The following IGFLR1 variants were observed in gnomAD, a reference collection of about 807,000 sequenced individuals.
IGFLR1 encodes the protein IGF-like family receptor 1.
A neutral mutation model predicts 23.4 loss-of-function variants in IGFLR1; 17 were observed. The ratio of observed to expected loss-of-function variants is 0.73; its 90% CI spans 0.50 to 1.09. The LOEUF is 1.09. Ranked by LOEUF, IGFLR1 falls within the 50% of genes least tolerant of loss-of-function variation. The pLI is 0.00. For synonymous variants in IGFLR1, 265 were observed against 210.7 expected, an observed-to-expected ratio of 1.26 and a Z score of -2.23; for missense variants, 556 against 459.2, an observed-to-expected ratio of 1.21 and a Z score of -1.93.
chr19:35,740,764 T>A (rs1970177330), intron 2 of IGFLR1, 200 bp from the exon 3 acceptor site: 2 of 639,044 alleles, frequency 3.1e-6, no homozygotes, highest in Admixed American at 6.3e-5. Flanking sequence ...CTCCGCCCAC[T>A]CCCGGCTTCT....
chr19:35,741,115 G>A lies in IGFLR1; in HGVS notation c.66C>T (p.Ala22=), dbSNP rs1464534454. The A allele has an allele frequency of 2.1e-5, 33 of 1,601,794 alleles. No individual in the cohort carries two copies. The highest frequency in any genetic ancestry group is 2.7e-5 in the Non-Finnish European group (32 of 1,172,110). ...LLLALAPPPE[A]SQYCGRLEYW... ...ATTCAAGGCGGCCGCAGTACTGGGA[G>A]GCTTCCGGCGGTGGCGCCAGGGCCA... The change falls in exon 2 of 5, where the codon GCC becomes GCT. Residue 22 remains alanine (A), a synonymous_variant. Coordinates refer to ENST00000246532, the MANE Select transcript of IGFLR1 (RefSeq NM_024660.4).
In IGFLR1 at chr19:35,740,375, T is replaced by C; in HGVS notation, c.342+5A>G. Reference sequence around the variant, plus strand: ...CCCTTGCCCTGCCGGGAGTCCCATCTGCACCTCTCTGCAGCGCCACGGGGT... The same window carrying C: ...CCCTTGCCCTGCCGGGAGTCCCATCCGCACCTCTCTGCAGCGCCACGGGGT... On this transcript the variant is annotated splice_donor_5th_base_variant and intron_variant, in intron 3 of 4. Transcript: ENST00000246532. 6.3e-7 allele frequency: 1 copy of C among 1,580,774 alleles called. No homozygotes were observed. Among genetic ancestry groups the C allele is most frequent in the South Asian group, 1.1e-5 (1 of 87,858 alleles).
intron 3 of IGFLR1, 44 bp downstream of exon 3, chr19:35,740,336 C>A (rs767691339): frequency 1.1e-5 from 17 of 1,509,092 alleles, no homozygotes; most frequent in East Asian, 2.3e-5. Context: ...TCTAGGCCCC[C>A]CACCTCCAGC....
rs1177658150 is a variant in IGFLR1, at chr19:35,741,363, G to A, written c.-43-140C>T. 4 of 770,140 alleles carry A rather than the reference G, an allele frequency of 5.2e-6. No homozygotes were observed. In the African/African-American group the frequency reaches 7.0e-5, roughly 13 times the overall value. 47.7% of individuals were successfully genotyped at this position (770,140 alleles called of 1,614,324 possible). On this transcript the variant is annotated intron_variant, in intron 1 of 4. Transcript: ENST00000246532. ...AGCCGGTTATCAGAGAAGCCCACAA[G>A]GCCACTAGGGGACTAACAGGGCTGC...
chr19:35,741,058 G>A lies in IGFLR1; in HGVS notation c.123C>T (p.Ser41=), dbSNP rs749264647. ...YWNPDNKCCS[S]CLQRFGPPPC... is the part of the protein sequence containing the mutation. The stretch of plus-strand genomic sequence containing the variant: ...GGGGCGGCCCGAAGCGTTGCAGGCA[G>A]CTGCTGCAGCACTTGTTGTCTGGGT... The change falls in exon 2 of 5, where the codon AGC becomes AGT. Residue 41 remains serine, a synonymous_variant. Coordinates refer to ENST00000246532, the MANE Select transcript of IGFLR1 (RefSeq NM_024660.4). The A allele has an allele frequency of 1.2e-6, 2 of 1,608,680 alleles. No individual in the cohort carries two copies. The highest frequency in any genetic ancestry group is 1.7e-6 in the Non-Finnish European group (2 of 1,177,210).
At chr19:35,740,223 A>C (rs1437926976) in intron 3 of IGFLR1, 135 bp from the exon 4 acceptor site, 11 of 1,308,358 alleles carry the variant, frequency 8.4e-6, no homozygotes, top group African/African-American at 1.5e-5. Flanking sequence ...TGGGCCCCGC[A>C]AGGCCCAACT....
intron 3 of IGFLR1, 109 bp downstream of exon 3, chr19:35,740,271 C>A: frequency 7.3e-7 from 1 of 1,364,302 alleles, no homozygotes; most frequent in Non-Finnish European, 9.7e-7. Flanking sequence ...GCAGGCCAGC[C>A]ACCTCCTGAA....
rs760122164 is a variant in IGFLR1 at position 35,739,419 on chromosome 19, C to T, written c.929G>A (p.Arg310Gln). Residue 310 changes from arginine to glutamine, a missense_variant, in exon 5 of 5, where the codon CGG becomes CAG. Arg to Gln is a conservative substitution (Grantham distance 43, BLOSUM62 1). Coordinates refer to ENST00000246532, the MANE Select transcript of IGFLR1 (RefSeq NM_024660.4). ...TGCCACCACCATCTCAATCAGAGCC[C>T]GCAGCGGCGAGCGACTCGGCCTCAG... is the stretch of plus-strand genomic sequence containing the variant. ...YSLRPSRSPL[R>Q]ALIEMVVARE... 3.1e-6 allele frequency: 5 copies of T among 1,613,804 alleles called. No individual in the cohort carries two copies. Among genetic ancestry groups the T allele is most frequent in the Middle Eastern group, 1.7e-4 (1 of 6,060 alleles).
chr19:35,741,838 G>T (rs561444949), intron 1 of IGFLR1, among the ~76,000 whole-genome samples: 2 of 151,598 alleles, frequency 1.3e-5, no homozygotes, highest in Non-Finnish European at 2.9e-5. Context: ...GCCGCCGGGC[G>T]CAGTGGCTCA....
Position 35,740,416 on chromosome 19 carries a change from G to C in IGFLR1, c.306C>G (p.Ala102=), listed in dbSNP as rs1970144878. The change falls in exon 3 of 5, where the codon GCC becomes GCG. Residue 102 remains alanine (A), a synonymous_variant. Transcript: ENST00000246532. Reference sequence around the variant, plus strand: ...GCCACGGGGTTCTGCCCCCGCCCGCGGCGGGAGTAGGGGTCACGGCTCCGC... The same window carrying C: ...GCCACGGGGTTCTGCCCCCGCCCGCCGCGGGAGTAGGGGTCACGGCTCCGC... ...CGGGAVTPTP[A]AGGGRTPWRC... is the part of the protein sequence containing the mutation. The C allele has an allele frequency of 1.2e-6, 2 of 1,606,694 alleles. No individual in the cohort carries two copies. The highest frequency in any genetic ancestry group is 2.2e-5 in the South Asian group (2 of 90,624).
intron 1 of IGFLR1, 134 bp downstream of exon 1, chr19:35,742,262 C>T (rs1459764764): frequency 1.5e-6 from 1 of 657,592 alleles, no homozygotes; most frequent in African/African-American, 1.9e-5. Flanking sequence ...AGCACCTCAC[C>T]TCACCTTTGA....
Position 35,740,363 on chromosome 19 carries a change from G to T in IGFLR1, c.342+17C>A, listed in dbSNP as rs765787985. 6.4e-7 allele frequency: 1 copy of T among 1,556,716 alleles called. No individual in the cohort carries two copies. The highest frequency in any genetic ancestry group is 1.4e-5 in the African/African-American group (1 of 72,798). ...ACCTCCAGCACGCCCTTGCCCTGCC[G>T]GGAGTCCCATCTGCACCTCTCTGCA... On this transcript the variant is annotated intron_variant, in intron 3 of 4. Coordinates refer to ENST00000246532, the MANE Select transcript of IGFLR1 (RefSeq NM_024660.4).
chr19:35,738,962 C>A lies in IGFLR1; in HGVS notation c.*318G>T. ...CCACCCATCATGACCCAAGGAAGTTCATCAGCCTCAACAGGTAGGTGAGGC... is the reference window on the plus strand; with the variant it reads ...CCACCCATCATGACCCAAGGAAGTTAATCAGCCTCAACAGGTAGGTGAGGC... On this transcript the variant is annotated 3_prime_UTR_variant, in exon 5 of 5. Transcript: ENST00000246532. The surrounding 1 kb of genome is among the most constrained non-coding windows in gnomAD (Gnocchi z 8.7). 2.2e-6 allele frequency: 1 copy of A among 454,122 alleles called. No individual in the cohort carries two copies. The highest frequency in any genetic ancestry group is 3.9e-6 in the Non-Finnish European group (1 of 254,600). 28.1% of individuals were successfully genotyped at this position (454,122 alleles called of 1,614,324 possible).
Position 35,739,600 on chromosome 19 carries a change from G to C in IGFLR1, c.748C>G (p.Leu250Val). ...TCCAGCTCATCCAGGAGGCGAGACA[G>C]GGGTTGTGACGCCAGACTGGACAGT... is the stretch of plus-strand genomic sequence containing the variant. ...RELSSLASQPLSRLLDELEVL... is the reference protein window; with the variant it reads ...RELSSLASQPVSRLLDELEVL... The change falls in exon 5 of 5, where the codon CTG becomes GTG. Residue 250 changes from leucine to valine, a missense_variant. By Grantham distance (32) the Leu-to-Val change is conservative (BLOSUM62 1). Coordinates refer to ENST00000246532, the MANE Select transcript of IGFLR1 (RefSeq NM_024660.4). 1 of 1,607,876 alleles carries C rather than the reference G, an allele frequency of 6.2e-7. No individual in the cohort carries two copies. Among genetic ancestry groups the C allele is most frequent in the Non-Finnish European group, 8.5e-7 (1 of 1,174,934 alleles).
At chr19:35,741,247 C>A in intron 1 of IGFLR1, 24 bp from the exon 2 acceptor site, 1 of 1,584,392 alleles carries the variant, frequency 6.3e-7, no homozygotes, top group Non-Finnish European at 8.5e-7. Flanking sequence ...GGAAATCGGG[C>A]AGAAGAAAGG....
rs761430687 is a variant in IGFLR1 at position 35,739,335 on chromosome 19, G to A, written c.1013C>T (p.Ala338Val). ...CTTGGACAGCACCCGCAATGCATCT[G>A]CCCGCCCTAGCTGGGCGAGGTGTGT... The part of the protein sequence containing the change: ...LGTHLAQLGR[A>V]DALRVLSKLG... Residue 338 changes from alanine to valine, a missense_variant, in exon 5 of 5, where the codon GCA becomes GTA. Ala to Val is a moderately conservative substitution (Grantham distance 64, BLOSUM62 0). Transcript: ENST00000246532. 1.2e-6 allele frequency: 2 copies of A among 1,609,770 alleles called. No homozygotes were observed. Among genetic ancestry groups the A allele is most frequent in the African/African-American group, 2.7e-5 (2 of 74,886 alleles).
In IGFLR1 at chr19:35,739,844, G is replaced by C; in HGVS notation, c.587C>G (p.Pro196Arg). The C allele has an allele frequency of 1.9e-6, 3 of 1,612,362 alleles. No homozygotes were observed. Among genetic ancestry groups the C allele is most frequent in the Non-Finnish European group, 2.5e-6 (3 of 1,178,576 alleles). ...GCAGACCAAGCCAGGATAGGGATAG[G>C]GGTCGGCTTTCTCCTTGGGCCAGCA... is the stretch of plus-strand genomic sequence containing the variant. ...HLCWPKEKADPYPYPGLVCGV... is the reference protein window; with the variant it reads ...HLCWPKEKADRYPYPGLVCGV... Residue 196 changes from proline (P) to arginine (R), a missense_variant, in exon 4 of 5, where the codon CCC (proline) becomes CGC (arginine). Physicochemically the swap from Pro to Arg is moderately radical, Grantham distance 103 (BLOSUM62 -2). Coordinates refer to ENST00000246532, the MANE Select transcript of IGFLR1 (RefSeq NM_024660.4).
Position 35,739,819 on chromosome 19 carries a change from G to A in IGFLR1, c.612C>T (p.Cys204=), listed in dbSNP as rs764792631. 34 of 1,602,172 alleles carry A rather than the reference G, an allele frequency of 2.1e-5. No individual in the cohort carries two copies. The highest frequency in any genetic ancestry group is 1.7e-4 in the Middle Eastern group (1 of 6,028). ...ADPYPYPGLV[C]GVPNTHTPSS... Reference sequence around the variant, plus strand: ...AAGGGGTGTGGGTGTTGGGGACTCCGCAGACCAAGCCAGGATAGGGATAGG... The same window carrying A: ...AAGGGGTGTGGGTGTTGGGGACTCCACAGACCAAGCCAGGATAGGGATAGG... Residue 204 remains cysteine (C), a synonymous_variant, in exon 4 of 5, where the codon TGC becomes TGT. Coordinates refer to ENST00000246532, the MANE Select transcript of IGFLR1 (RefSeq NM_024660.4).
At chr19:35,740,836 C>T (rs1970185486) in intron 2 of IGFLR1, 188 bp downstream of exon 2, 1 of 658,338 alleles carries the variant, frequency 1.5e-6, no homozygotes, top group Non-Finnish European at 2.6e-6. Context: ...TATCCATTCG[C>T]TGTTGCCCTA....
Sources: allele counts gnomAD v4.1 joint callset (sites outside exome capture counted in the v4.1 genomes callset), GRCh38; gene constraint gnomAD v4.1.1; non-coding constraint Gnocchi (gnomAD v3.1); transcripts MANE v1.5; gene names NCBI Gene and HGNC (gene_info 2026-07-23, HGNC 2026-07-21).